LRCH1: variants seen among roughly 807,000 people sequenced by gnomAD.
LRCH1 encodes leucine-rich repeat and calponin homology domain-containing protein 1.
LRCH1 carries 23 observed loss-of-function variants against 94.9 expected under a neutral mutation model. The observed-to-expected ratio is 0.24, with a 90% CI of 0.17 to 0.34. LRCH1 has a LOEUF of 0.34. LRCH1 is among the 10% of genes least tolerant of loss of function. The probability of loss-of-function intolerance (pLI) is 1.00; values close to 1 mark genes in which losing one functional copy is unlikely to be tolerated. For missense variants in LRCH1, 790 were observed against 945.9 expected, an observed-to-expected ratio of 0.84 and a Z score of 2.16; for synonymous variants, 364 against 354.9, an observed-to-expected ratio of 1.03 and a Z score of -0.29.
At chr13:46,705,656 G>A (rs1050806279) in intron 13 of LRCH1, 2 of 395,780 alleles carry the variant, frequency 5.1e-6, no homozygotes, top group African/African-American at 4.1e-5. Context: ...AGATTTTAGA[G>A]CCAAGAAAAG....
intron 1 of LRCH1, among the ~76,000 whole-genome samples, chr13:46,628,366 G>T (rs2050976091): frequency 6.6e-6 from 1 of 152,072 alleles, no homozygotes; most frequent in Admixed American, 6.6e-5. Flanking sequence ...AACCGGGCAT[G>T]GTGGCTCATG....
In LRCH1 at chr13:46,742,568, G is replaced by A. The variant is rs74788487; in HGVS notation, c.*720G>A. Reference sequence around the variant, plus strand: ...AGTGTCGTTGCTGTTAGAGCCTCACGTGGAGGAGTCACTTAAACACCAGTT... The same window carrying A: ...AGTGTCGTTGCTGTTAGAGCCTCACATGGAGGAGTCACTTAAACACCAGTT... On this transcript the variant is annotated 3_prime_UTR_variant, in exon 20 of 20. Coordinates refer to ENST00000389797, the MANE Select transcript of LRCH1 (RefSeq NM_001164211.2). 3,507 of 985,444 alleles carry A rather than the reference G, an allele frequency of 3.6e-3. 80 individuals carry two copies. In the African/African-American group the frequency reaches 0.054, roughly 15 times the overall value. The allele number at this position is 985,444 out of a possible 1,614,324, so 61.0% of individuals were successfully genotyped here. A position where few individuals can be genotyped will look rare whatever the true frequency, so the allele number is the denominator to read the frequency against.
rs10686269 is a variant in LRCH1 at position 46,582,370 on chromosome 13, C to CTTTTT, written c.307+28685_307+28689dup. 1.3e-3 allele frequency among the ~76,000 whole-genome samples: 102 copies of CTTTTT among 79,522 alleles called. 1 individual carries two copies. The highest frequency in any genetic ancestry group is 1.4e-3 in the Non-Finnish European group (61 of 45,124). The allele number at this position is 79,522 out of a possible 152,430, so 52.2% of individuals were successfully genotyped here. On this transcript the variant is annotated intron_variant, in intron 1 of 19. Coordinates refer to ENST00000389797, the MANE Select transcript of LRCH1 (RefSeq NM_001164211.2). ...ATGGAAGAACAACCGTTGCTCTCAT[C>CTTTTT]TTTTTTTTTTTTTTTTTTTTTTGGT...
intron 1 of LRCH1, among the ~76,000 whole-genome samples, chr13:46,598,153 C>T (rs1461520794): frequency 6.6e-6 from 1 of 152,098 alleles, no homozygotes; most frequent in Non-Finnish European, 1.5e-5. Context: ...AGGTGGCGGG[C>T]ACCCAATAAA....
At position 46,742,233 on chromosome 13, in the gene LRCH1, C is replaced by A; in HGVS notation, c.*385C>A. ...GGACAGGGATTTAGCATATGGAAGT[C>A]TTTCCTTTGGGTCAGTATTGAACTA... is the stretch of plus-strand genomic sequence containing the variant. On this transcript the variant is annotated 3_prime_UTR_variant, in exon 20 of 20. Coordinates refer to ENST00000389797, the MANE Select transcript of LRCH1 (RefSeq NM_001164211.2). 9.2e-7 allele frequency: 1 copy of A among 1,085,168 alleles called. No homozygotes were observed. The highest frequency in any genetic ancestry group is 1.1e-6 in the Non-Finnish European group (1 of 891,206). The allele number at this position is 1,085,168 out of a possible 1,614,324, so 67.2% of individuals were successfully genotyped here.
intron 1 of LRCH1, among the ~76,000 whole-genome samples, chr13:46,600,783 G>T (rs2050619692): frequency 6.6e-6 from 1 of 152,154 alleles, no homozygotes; most frequent in Non-Finnish European, 1.5e-5. Context: ...TCATCATGCA[G>T]TTTAACAAAT....
intron 18 of LRCH1, among the ~76,000 whole-genome samples, chr13:46,730,346 T>C (rs1873038322): frequency 6.6e-6 from 1 of 152,182 alleles, no homozygotes; most frequent in East Asian, 1.9e-4. Flanking sequence ...TTAGTGTTTA[T>C]ATGGCAAGTT....
intron 17 of LRCH1, 152 bp downstream of exon 17, chr13:46,723,482 C>G: frequency 1.6e-6 from 1 of 639,042 alleles, no homozygotes; most frequent in Non-Finnish European, 2.7e-6. Context: ...ACTTAACAAC[C>G]CTGAGTCTGT....
intron 1 of LRCH1, among the ~76,000 whole-genome samples, chr13:46,568,570 A>G (rs1393720514): frequency 2.0e-5 from 3 of 152,214 alleles, no homozygotes; most frequent in African/African-American, 4.8e-5. Flanking sequence ...AGTCTTAGAC[A>G]TTTGTTGTTT....
intron 17 of LRCH1, among the ~76,000 whole-genome samples, chr13:46,725,630 T>C (rs936457561): frequency 2.6e-5 from 4 of 152,204 alleles, no homozygotes; most frequent in Admixed American, 1.3e-4. Context: ...TTAAATTAAA[T>C]TAGGATAGGT....
chr13:46,675,184 T>A (rs560318955), intron 3 of LRCH1, among the ~76,000 whole-genome samples: 1 of 152,344 alleles, frequency 6.6e-6, no homozygotes, highest in East Asian at 1.9e-4. Context: ...GAGGTATATT[T>A]GTTAAGAGAT....
At position 46,735,788 on chromosome 13, in the gene LRCH1, C is replaced by CTTTTTT. The variant is rs1288570749; in HGVS notation, c.2085+1794_2085+1795insTTTTTT. Reference sequence around the variant, plus strand: ...AGGTGATTTTCCTTTTTTTCTTTTTCTTTTCTTTTTTTTTTTTTTTTCGAG... The same window carrying CTTTTTT: ...AGGTGATTTTCCTTTTTTTCTTTTTCTTTTTTTTTTCTTTTTTTTTTTTTTTTCGAG... On this transcript the variant is annotated intron_variant, in intron 19 of 19. Coordinates refer to ENST00000389797, the MANE Select transcript of LRCH1 (RefSeq NM_001164211.2). Among the ~76,000 whole-genome samples, 193 of 69,822 alleles carry CTTTTTT rather than the reference C, an allele frequency of 2.8e-3. 14 individuals are homozygous for CTTTTTT. Among genetic ancestry groups the CTTTTTT allele is most frequent in the Admixed American group, 3.4e-3 (15 of 4,388 alleles). The allele number at this position is 69,822 out of a possible 152,430, so 45.8% of individuals were successfully genotyped here.
At chr13:46,657,500 CTTTTTTTTTTTTTTTTTTTTTTTT>C (rs67588975) in intron 2 of LRCH1, among the ~76,000 whole-genome samples, 28 of 11,390 alleles carry the variant, frequency 2.5e-3, no homozygotes, top group East Asian at 6.8e-3. Context: ...CTTTTCTTTT[CTTTTTTTTTTTTTTTTTTTTTTTT>C]TTTTTTTTTT....
At chr13:46,709,881 GGAAAA>G (rs1871968327) in intron 13 of LRCH1, among the ~76,000 whole-genome samples, 1 of 152,114 alleles carries the variant, frequency 6.6e-6, no homozygotes, top group Non-Finnish European at 1.5e-5. Context: ...GAAGTCACAA[GGAAAA>G]GAAAAGAGAG....
chr13:46,585,335 TGG>T (rs2050419778), intron 1 of LRCH1, among the ~76,000 whole-genome samples: 1 of 152,114 alleles, frequency 6.6e-6, no homozygotes, highest in Non-Finnish European at 1.5e-5. Flanking sequence ...CCCAGCACTT[TGG>T]GAGGCCGAGG....
chr13:46,697,585 C>A (rs936988516), intron 9 of LRCH1, among the ~76,000 whole-genome samples: 3 of 152,096 alleles, frequency 2.0e-5, no homozygotes, highest in Non-Finnish European at 4.4e-5. Flanking sequence ...ATGGCACTAA[C>A]TAGACTGTGA....
chr13:46,553,374 G>A lies in LRCH1; in HGVS notation c.-23G>A. The A allele has an allele frequency of 6.6e-7, 1 of 1,511,222 alleles. No individual in the cohort carries two copies. Among genetic ancestry groups the A allele is most frequent in the Non-Finnish European group, 8.8e-7 (1 of 1,132,976 alleles). 93.6% of individuals were successfully genotyped at this position (1,511,222 alleles called of 1,614,324 possible). ...GACCCCCCCGCAGGAGCGGCGGGGC[G>A]GGGTGGGGGGGCCCGGGAGAAGATG... is the stretch of plus-strand genomic sequence containing the variant. On this transcript the variant is annotated 5_prime_UTR_variant, in exon 1 of 20. Coordinates refer to ENST00000389797, the MANE Select transcript of LRCH1 (RefSeq NM_001164211.2).
Position 46,742,111 on chromosome 13 carries a change from A to C in LRCH1, c.*263A>C. Reference sequence around the variant, plus strand: ...GCACACCGCATGCTTCCTCATCCACATAGTGCCAGCAGCAGTGCCACGCAG... The same window carrying C: ...GCACACCGCATGCTTCCTCATCCACCTAGTGCCAGCAGCAGTGCCACGCAG... On this transcript the variant is annotated 3_prime_UTR_variant, in exon 20 of 20. Transcript: ENST00000389797. The C allele has an allele frequency of 1.5e-6, 2 of 1,299,162 alleles. No homozygotes were observed. Among genetic ancestry groups the C allele is most frequent in the South Asian group, 1.7e-5 (1 of 57,148 alleles). The allele number at this position is 1,299,162 out of a possible 1,614,324, so 80.5% of individuals were successfully genotyped here. A position where few individuals can be genotyped will look rare whatever the true frequency, so the allele number is the denominator to read the frequency against.
chr13:46,749,160 A>T (rs1874025062), downstream of LRCH1, among the ~76,000 whole-genome samples: 1 of 152,198 alleles, frequency 6.6e-6, no homozygotes, highest in Non-Finnish European at 1.5e-5. Flanking sequence ...CTAGGGCTGG[A>T]TGCAGATCCC....
Sources: allele counts gnomAD v4.1 joint callset (sites outside exome capture counted in the v4.1 genomes callset), GRCh38; gene constraint gnomAD v4.1.1; transcripts MANE v1.5; gene names NCBI Gene and HGNC (gene_info 2026-07-23, HGNC 2026-07-21).